NTN1: variants seen among roughly 807,000 people sequenced by gnomAD.
NTN1 encodes netrin 1.
In NTN1, 11 loss-of-function variants were observed where a neutral mutation model predicts 54.2. That is an observed-to-expected ratio of 0.20 (90% CI 0.13 to 0.34). NTN1 has a LOEUF of 0.34. Ranked by LOEUF, NTN1 falls within the 10% of genes least tolerant of loss-of-function variation. The probability of loss-of-function intolerance (pLI) is 1.00; values close to 1 mark genes in which losing one functional copy is unlikely to be tolerated. For synonymous variants in NTN1, 371 were observed against 382.0 expected (o/e 0.97, Z 0.33); for missense variants, 740 against 893.1 (o/e 0.83, Z 2.18).
intron 5 of NTN1, among the ~76,000 whole-genome samples, chr17:9,187,395 G>C (rs1278772785): frequency 6.6e-6 from 1 of 152,144 alleles, no homozygotes; most frequent in South Asian, 2.1e-4. Flanking sequence ...CTAGAAACCA[G>C]TTAAAGGTCA....
chr17:9,075,733 G>A (rs1159759677), intron 2 of NTN1, among the ~76,000 whole-genome samples: 5 of 152,182 alleles, frequency 3.3e-5, no homozygotes, highest in Non-Finnish European at 7.3e-5. Context: ...ATGTGTGTGT[G>A]GCTCTGCAGC....
intron 4 of NTN1, among the ~76,000 whole-genome samples, chr17:9,182,225 CCAAACGT>C (rs2092420545): frequency 6.6e-6 from 1 of 152,042 alleles, no homozygotes; most frequent in South Asian, 2.1e-4. Context: ...GCCATCCTCC[CCAAACGT>C]GTTGGGCCCC....
intron 6 of NTN1, among the ~76,000 whole-genome samples, chr17:9,229,119 T>C (rs1051338008): frequency 1.3e-5 from 2 of 149,780 alleles, no homozygotes; most frequent in African/African-American, 5.0e-5. Context: ...AGTGTGTGAC[T>C]GTGTTACTGT....
intron 2 of NTN1, among the ~76,000 whole-genome samples, chr17:9,073,469 C>T (rs2092039297): frequency 6.6e-6 from 1 of 152,220 alleles, no homozygotes; most frequent in Admixed American, 6.5e-5. Flanking sequence ...AATCCGTCTT[C>T]AAAGCCTAAC....
intron 2 of NTN1, among the ~76,000 whole-genome samples, chr17:9,056,976 C>T (rs1029923298): frequency 1.3e-5 from 2 of 152,084 alleles, no homozygotes; most frequent in African/African-American, 4.8e-5. Context: ...TCAACAGAGG[C>T]CCCCCTGTGA....
chr17:9,089,909 A>G (rs141126826), intron 2 of NTN1, among the ~76,000 whole-genome samples: 194 of 152,238 alleles, frequency 1.3e-3, no homozygotes, highest in Non-Finnish European at 2.4e-3. Flanking sequence ...AACACCAACA[A>G]GCTATCTGGA....
At chr17:9,223,556 CA>C (rs369166076) in intron 6 of NTN1, among the ~76,000 whole-genome samples, 1 of 149,114 alleles carries the variant, frequency 6.7e-6, no homozygotes, top group Non-Finnish European at 1.5e-5. Flanking sequence ...GACTCTGTCT[CA>C]AAAAAAAGAA....
At chr17:9,235,927 A>G (rs1167406786) in intron 6 of NTN1, among the ~76,000 whole-genome samples, 3 of 151,426 alleles carry the variant, frequency 2.0e-5, no homozygotes, top group Non-Finnish European at 4.4e-5. Context: ...AATTTTTTGT[A>G]TTTTAGTAGA....
At chr17:9,093,996 T>TAA (rs1436464631) in intron 2 of NTN1, among the ~76,000 whole-genome samples, 1 of 151,988 alleles carries the variant, frequency 6.6e-6, no homozygotes, top group Admixed American at 6.6e-5. Context: ...GTGGACAAGT[T>TAA]AAAAGAAAAA....
chr17:9,021,930 C>T (rs1375691573), intron 1 of NTN1, among the ~76,000 whole-genome samples: 1 of 152,286 alleles, frequency 6.6e-6, no homozygotes, highest in Admixed American at 6.5e-5. Flanking sequence ...CTGAGAGGGA[C>T]CCCGGGCTGC....
intron 2 of NTN1, among the ~76,000 whole-genome samples, chr17:9,131,747 A>G (rs943293867): frequency 4.0e-5 from 6 of 151,202 alleles, no homozygotes; most frequent in Non-Finnish European, 7.4e-5. Flanking sequence ...CGCCTGGCTA[A>G]TTTTTTGTAT....
intron 3 of NTN1, chr17:9,176,613 C>T (rs1044069662): frequency 2.0e-5 from 3 of 152,136 alleles, no homozygotes; most frequent in East Asian, 1.9e-4. Flanking sequence ...GGGGCCATCT[C>T]GATTTGTGAA....
intron 3 of NTN1, among the ~76,000 whole-genome samples, chr17:9,172,180 G>A (rs894093927): frequency 3.3e-5 from 5 of 152,086 alleles, no homozygotes; most frequent in Admixed American, 6.5e-5. Context: ...GAGCCACTGC[G>A]CCTGGCCAGG....
At chr17:9,084,837 G>A (rs2092085173) in intron 2 of NTN1, among the ~76,000 whole-genome samples, 1 of 151,822 alleles carries the variant, frequency 6.6e-6, no homozygotes, top group African/African-American at 2.4e-5. Flanking sequence ...ATTTTTAGTA[G>A]AGATGGGGTT....
At chr17:9,148,929 C>T (rs1013283892) in intron 2 of NTN1, among the ~76,000 whole-genome samples, 2 of 151,914 alleles carry the variant, frequency 1.3e-5, no homozygotes, top group Non-Finnish European at 2.9e-5. Flanking sequence ...GGATACAGCC[C>T]ATGGGGGTAG....
chr17:9,105,052 A>G (rs2092161582), intron 2 of NTN1, among the ~76,000 whole-genome samples: 1 of 152,196 alleles, frequency 6.6e-6, no homozygotes, highest in African/African-American at 2.4e-5. Flanking sequence ...GGGGCCCGTG[A>G]GAGACCCGGC....
intron 2 of NTN1, among the ~76,000 whole-genome samples, chr17:9,133,963 G>A (rs928876559): frequency 1.3e-4 from 17 of 134,108 alleles, no homozygotes; most frequent in Admixed American, 3.3e-4. Flanking sequence ...GAAGTGCAGT[G>A]ATGTGATCTC....
chr17:9,050,117 G>A (rs2091955198), intron 2 of NTN1, among the ~76,000 whole-genome samples: 1 of 151,562 alleles, frequency 6.6e-6, no homozygotes, highest in East Asian at 1.9e-4. Flanking sequence ...TGTGGTGGTG[G>A]ACGCCTGTAG....
Position 9,179,973 on chromosome 17 carries a change from C to G in NTN1, c.1357+17C>G. 1 of 1,605,562 alleles carries G rather than the reference C, an allele frequency of 6.2e-7. No individual in the cohort carries two copies. The highest frequency in any genetic ancestry group is 8.5e-7 in the Non-Finnish European group (1 of 1,176,094). The stretch of plus-strand genomic sequence containing the variant: ...CCTGCATAAGTATGTGTGGGGCACC[C>G]TGCTTTTCAAGTCTCTGGCTTTGTG... On this transcript the variant is annotated intron_variant, in intron 4 of 6. Transcript: ENST00000173229.
Sources: gnomAD v4.1 joint callset for allele counts (sites outside exome capture counted in the v4.1 genomes callset) on GRCh38, gnomAD v4.1.1 for gene constraint, MANE v1.5 for transcripts, NCBI Gene and HGNC (gene_info 2026-07-23, HGNC 2026-07-21) for gene names.